The following SLC17A9 variants were observed in gnomAD, a reference collection of about 807,000 sequenced individuals.
SLC17A9 encodes solute carrier family 17 member 9, also known as voltage-gated purine nucleotide uniporter SLC17A9.
In SLC17A9, 49 loss-of-function variants were observed where a neutral mutation model predicts 55.0. The observed-to-expected ratio is 0.89, with a 90% CI of 0.71 to 1.13. The LOEUF (loss-of-function observed/expected upper bound fraction) is 1.13, where lower values mean the gene tolerates loss of function less well. SLC17A9 is among the 50% of genes most tolerant of loss of function. The pLI, the probability that SLC17A9 is intolerant of heterozygous loss-of-function variation, is 0.00. For missense variants in SLC17A9, 526 were observed against 569.3 expected (o/e 0.92, Z 0.77); for synonymous variants, 256 against 247.4 (o/e 1.03, Z -0.32).
chr20:62,954,233 T>C (rs1045586318), intron 1 of SLC17A9, among the ~76,000 whole-genome samples: 6 of 152,256 alleles, frequency 3.9e-5, no homozygotes, highest in Admixed American at 3.3e-4. Flanking sequence ...CCAAGGATTC[T>C]GGAGGGGCCT....
chr20:62,957,345 C>G (rs1469690457), intron 2 of SLC17A9, 96 bp from the exon 3 acceptor site: 1 of 1,504,926 alleles, frequency 6.6e-7, no homozygotes, highest in Admixed American at 2.3e-5. Flanking sequence ...AGGCCAGGCC[C>G]AGCTCTGAGC....
At position 62,967,369 on chromosome 20, in the gene SLC17A9, A is replaced by T; in HGVS notation, c.1180A>T (p.Met394Leu). The change falls in exon 13 of 13, where the codon ATG (methionine) becomes TTG (leucine). Residue 394 changes from methionine (M) to leucine (L), a missense_variant. Met to Leu is a conservative substitution (Grantham distance 15). Coordinates refer to ENST00000370351, the MANE Select transcript of SLC17A9 (RefSeq NM_022082.4). The part of the protein sequence containing the change: ...VVGVCLGGYL[M>L]ETTGSWTCLF... ...GGGTGTGTGTCTAGGCGGCTACTTG[A>T]TGGAGACCACGGGCTCCTGGACTTG... 6.2e-7 allele frequency: 1 copy of T among 1,614,010 alleles called. No homozygotes were observed. Among genetic ancestry groups the T allele is most frequent in the Non-Finnish European group, 8.5e-7 (1 of 1,179,994 alleles).
rs1415678677 is a variant in SLC17A9 at position 62,956,969 on chromosome 20, G to C, written c.257+7G>C. 6.2e-7 allele frequency: 1 copy of C among 1,613,214 alleles called. No individual in the cohort carries two copies. The highest frequency in any genetic ancestry group is 8.5e-7 in the Non-Finnish European group (1 of 1,179,972). ...GCGGCCACCTCGGGGATCGGTAACTGCCCATCTTCCCCATCTCCTGGCTGG... is the reference window on the plus strand; with the variant it reads ...GCGGCCACCTCGGGGATCGGTAACTCCCCATCTTCCCCATCTCCTGGCTGG... On this transcript the variant is annotated splice_region_variant and intron_variant, in intron 2 of 12. Transcript: ENST00000370351.
Position 62,967,386 on chromosome 20 carries a change from C to G in SLC17A9, c.1197C>G (p.Ser399=). ...LGGYLMETTG[S]WTCLFNLVAI... ...GCTACTTGATGGAGACCACGGGCTCCTGGACTTGCCTGTTCAACCTTGTGG... is the reference window on the plus strand; with the variant it reads ...GCTACTTGATGGAGACCACGGGCTCGTGGACTTGCCTGTTCAACCTTGTGG... Residue 399 remains serine (S), a synonymous_variant, in exon 13 of 13, where the codon TCC becomes TCG. Transcript: ENST00000370351. The G allele has an allele frequency of 6.2e-7, 1 of 1,614,198 alleles. No homozygotes were observed. Among genetic ancestry groups the G allele is most frequent in the Non-Finnish European group, 8.5e-7 (1 of 1,180,030 alleles).
chr20:62,960,935 C>G (rs550416346), intron 4 of SLC17A9, among the ~76,000 whole-genome samples: 1 of 152,374 alleles, frequency 6.6e-6, no homozygotes, highest in East Asian at 1.9e-4. Context: ...TCCCCACCAT[C>G]CGCTGGCCCC....
intron 12 of SLC17A9, 58 bp downstream of exon 12, chr20:62,966,790 G>A (rs750889263): frequency 2.8e-5 from 45 of 1,581,992 alleles, no homozygotes; most frequent in South Asian, 1.3e-4. Flanking sequence ...TGAGGCCACC[G>A]AGGTGCTGCA....
At chr20:62,953,042 A>T in intron 1 of SLC17A9, 153 bp downstream of exon 1, 1 of 1,178,556 alleles carries the variant, frequency 8.5e-7, no homozygotes, top group Non-Finnish European at 1.2e-6. Flanking sequence ...TCCTTGTGGG[A>T]GGTGGAAGGA....
rs750566054 is a variant in SLC17A9, at chr20:62,962,475, C to T, written c.498-149C>T. The T allele has an allele frequency of 7.3e-4, 717 of 985,064 alleles. No homozygotes were observed. The highest frequency in any genetic ancestry group is 9.3e-4 in the Non-Finnish European group (640 of 691,644). The allele number at this position is 985,064 out of a possible 1,614,324, so 61.0% of individuals were successfully genotyped here. A position where few individuals can be genotyped will look rare whatever the true frequency, so the allele number is the denominator to read the frequency against. On this transcript the variant is annotated intron_variant, in intron 4 of 12. Coordinates refer to ENST00000370351, the MANE Select transcript of SLC17A9 (RefSeq NM_022082.4). This position sits in a 1 kb window ranked among gnomAD's most constrained non-coding sequence, Gnocchi z 5.5. ...AAGTCCTTAACAAAACAGGCCAGGA[C>T]GGTGGCTTCTGAGCTGCTCCTCTGG...
chr20:62,963,510 C>G (rs2065607096), intron 6 of SLC17A9, 74 bp from the exon 7 acceptor site: 2 of 1,530,822 alleles, frequency 1.3e-6, no homozygotes, highest in Non-Finnish European at 1.8e-6. Context: ...CAGGGGACGC[C>G]TCTCGGGGTG....
Position 62,967,779 on chromosome 20 carries a change from G to T in SLC17A9, c.*279G>T. On this transcript the variant is annotated 3_prime_UTR_variant, in exon 13 of 13. Coordinates refer to ENST00000370351, the MANE Select transcript of SLC17A9 (RefSeq NM_022082.4). ...CCTCACAGGCTGGTGTGGCCGTCAG[G>T]GTGGGTGGGGTTATTGTTAGTAGGC... The T allele has an allele frequency of 2.7e-6, 1 of 367,716 alleles. No individual in the cohort carries two copies. The allele number at this position is 367,716 out of a possible 1,614,324, so 22.8% of individuals were successfully genotyped here.
intron 12 of SLC17A9, chr20:62,967,069 T>TG: frequency 1.7e-6 from 1 of 579,396 alleles, no homozygotes; most frequent in South Asian, 2.2e-5. Flanking sequence ...GGCCGGCCTG[T>TG]GGCTCCCATT....
intron 8 of SLC17A9, among the ~76,000 whole-genome samples, chr20:62,964,799 ATACACAC>A (rs1475012338): frequency 6.6e-6 from 1 of 152,364 alleles, no homozygotes; most frequent in East Asian, 1.9e-4. Flanking sequence ...TGCAAAAGGA[ATACACAC>A]TCGTTGTGGA....
intron 3 of SLC17A9, among the ~76,000 whole-genome samples, chr20:62,960,165 A>G (rs920934872): frequency 6.6e-6 from 1 of 152,178 alleles, no homozygotes; most frequent in Non-Finnish European, 1.5e-5. Flanking sequence ...GTGCAGGCGC[A>G]TGTGTGTGTG....
At chr20:62,952,977 C>G in intron 1 of SLC17A9, 88 bp downstream of exon 1, 1 of 1,370,210 alleles carries the variant, frequency 7.3e-7, no homozygotes, top group Non-Finnish European at 9.8e-7. Flanking sequence ...TGGGACGATG[C>G]TAGGTGGGGA....
chr20:62,956,401 C>T (rs2065537153), intron 1 of SLC17A9, among the ~76,000 whole-genome samples: 1 of 152,142 alleles, frequency 6.6e-6, no homozygotes, highest in African/African-American at 2.4e-5. Flanking sequence ...TGAGACTCTC[C>T]AGTGTCCGAC....
intron 10 of SLC17A9, 98 bp from the exon 11 acceptor site, chr20:62,966,427 C>T: frequency 7.3e-7 from 1 of 1,378,120 alleles, no homozygotes; most frequent in Non-Finnish European, 1.0e-6. Context: ...CCTCCCGTGG[C>T]TCCACGAGAC....
rs1300366204 is a variant in SLC17A9 at position 62,957,530 on chromosome 20, C to G, written c.347C>G (p.Ala116Gly). The G allele has an allele frequency of 2.5e-6, 4 of 1,604,912 alleles. No individual in the cohort carries two copies. Among genetic ancestry groups the G allele is most frequent in the Non-Finnish European group, 8.5e-7 (1 of 1,176,394 alleles). The change falls in exon 3 of 13, where the codon GCC becomes GGC. Residue 116 changes from alanine to glycine, a missense_variant. Coordinates refer to ENST00000370351, the MANE Select transcript of SLC17A9 (RefSeq NM_022082.4). ...VTPLLAHLSS[A>G]HLAFMTFSRI... ...CCACTGCTCGCCCACCTGAGCAGTGCCCACCTGGCCTTCATGACCTTCTCA... is the reference window on the plus strand; with the variant it reads ...CCACTGCTCGCCCACCTGAGCAGTGGCCACCTGGCCTTCATGACCTTCTCA...
chr20:62,957,582 TA>T lies in SLC17A9; in HGVS notation c.397+4del. ...GCATCCTCATGGGCTTGCTCCAAGGTAAGGGGAGCTCAGGCGGCTCCCTCAC... is the reference window on the plus strand; with the variant it reads ...GCATCCTCATGGGCTTGCTCCAAGGTAGGGGAGCTCAGGCGGCTCCCTCAC... On this transcript the variant is annotated splice_donor_region_variant and intron_variant, in intron 3 of 12. Coordinates refer to ENST00000370351, the MANE Select transcript of SLC17A9 (RefSeq NM_022082.4). The T allele has an allele frequency of 6.5e-7, 1 of 1,541,188 alleles. No individual in the cohort carries two copies.
intron 2 of SLC17A9, 48 bp from the exon 3 acceptor site, chr20:62,957,393 C>T (rs2427457): frequency 0.49 from 749,292 of 1,530,288 alleles, 188,491 homozygotes; most frequent in East Asian, 0.73. Context: ...GGTGGTGCCC[C>T]TTGGTCCTGC....
Sources: allele counts gnomAD v4.1 joint callset (sites outside exome capture counted in the v4.1 genomes callset), GRCh38; gene constraint gnomAD v4.1.1; non-coding constraint Gnocchi (gnomAD v3.1); transcripts MANE v1.5; gene names NCBI Gene and HGNC (gene_info 2026-07-23, HGNC 2026-07-21).